SLIT2: variants seen among roughly 807,000 people sequenced by gnomAD.
SLIT2 encodes the protein slit guidance ligand 2.
Under a neutral mutation model 185.7 loss-of-function variants are expected in SLIT2, and 41 were observed. The ratio of observed to expected loss-of-function variants is 0.22; its 90% confidence interval spans 0.17 to 0.29. The LOEUF is 0.29. Ranked by LOEUF, SLIT2 falls within the 10% of genes least tolerant of loss-of-function variation. The probability of loss-of-function intolerance (pLI) is 1.00; values close to 1 mark genes in which losing one functional copy is unlikely to be tolerated. For synonymous variants in SLIT2, 693 were observed against 680.2 expected, an observed-to-expected ratio of 1.02 and a Z score of -0.29; for missense variants, 1,571 against 1,909.0, an observed-to-expected ratio of 0.82 and a Z score of 3.30.
At chr4:20,600,231 T>G (rs1312396506) in intron 33 of SLIT2, among the ~76,000 whole-genome samples, 2 of 152,096 alleles carry the variant, frequency 1.3e-5, no homozygotes, top group African/African-American at 4.8e-5. Context: ...GTTTGGCTTA[T>G]TAAAGCTAGC....
At chr4:20,489,906 G>A (rs1378809524) in intron 8 of SLIT2, 1 of 152,166 alleles carries the variant, frequency 6.6e-6, no homozygotes, top group African/African-American at 2.4e-5. Context: ...GGGTAACATG[G>A]TGAAACCCTG....
chr4:20,478,619 T>G (rs570348871), intron 5 of SLIT2, among the ~76,000 whole-genome samples: 1 of 152,208 alleles, frequency 6.6e-6, no homozygotes, highest in African/African-American at 2.4e-5. Flanking sequence ...TAATAAGATA[T>G]GGGCAAACAT....
intron 4 of SLIT2, among the ~76,000 whole-genome samples, chr4:20,342,123 G>A (rs1197980850): frequency 6.6e-6 from 1 of 152,088 alleles, no homozygotes; most frequent in African/African-American, 2.4e-5. Flanking sequence ...TTTAGAAAGT[G>A]TACCATTTAT....
intron 29 of SLIT2, among the ~76,000 whole-genome samples, chr4:20,580,620 A>G (rs894311105): frequency 2.6e-5 from 4 of 152,128 alleles, no homozygotes; most frequent in African/African-American, 9.7e-5. Context: ...TATTTGGTGG[A>G]TAGCCTGTCC....
intron 6 of SLIT2, among the ~76,000 whole-genome samples, chr4:20,481,126 T>C (rs1157427919): frequency 6.6e-6 from 1 of 152,058 alleles, no homozygotes; most frequent in Non-Finnish European, 1.5e-5. Context: ...GTAGCTGATA[T>C]CTTGGAATAA....
rs530115711 is a variant in SLIT2, at chr4:20,482,701, A to G, written c.539+1914A>G. Among the ~76,000 whole-genome samples, 127 of 152,154 alleles carry G rather than the reference A, an allele frequency of 8.3e-4. 1 individual carries two copies. Among genetic ancestry groups the G allele is most frequent in the Non-Finnish European group, 1.4e-3 (95 of 67,904 alleles). On this transcript the variant is annotated intron_variant, in intron 6 of 36. Transcript: ENST00000504154. Reference sequence around the variant, plus strand: ...ATATATACATCTTATAGAAGTATATATTGGTCAGAGTTTGTTTGTTGAAGA... The same window carrying G: ...ATATATACATCTTATAGAAGTATATGTTGGTCAGAGTTTGTTTGTTGAAGA...
Position 20,448,068 on chromosome 4 carries a change from C to G in SLIT2, c.396-19684C>G, listed in dbSNP as rs887710584. Among the ~76,000 whole-genome samples the G allele has an allele frequency of 3.9e-5, 6 of 152,124 alleles. 1 individual carries two copies. Among genetic ancestry groups the G allele is most frequent in the Admixed American group, 3.9e-4 (6 of 15,266 alleles). On this transcript the variant is annotated intron_variant, in intron 4 of 36. Coordinates refer to ENST00000504154, the MANE Select transcript of SLIT2 (RefSeq NM_004787.4). ...TATCTACATGGTAATACTTGGAGCT[C>G]AAAAAGTCCATGTGTCAGTCTATTT...
intron 26 of SLIT2, among the ~76,000 whole-genome samples, chr4:20,564,674 T>C (rs574820677): frequency 6.6e-6 from 1 of 151,882 alleles, no homozygotes; most frequent in African/African-American, 2.4e-5. Flanking sequence ...CCTGAAGAAG[T>C]TGGAACTCAG....
chr4:20,595,788 A>G lies in SLIT2; in HGVS notation c.3274A>G (p.Thr1092Ala). ...CAAGTGTAAAAACGGAGCCCACTGC[A>G]CAGATGCAGTGAACGGCTATACGTG... ...DNKCKNGAHC[T>A]DAVNGYTCIC... Residue 1092 changes from threonine to alanine, a missense_variant, in exon 31 of 37, where the codon ACA (threonine) becomes GCA (alanine). By Grantham distance (58) the Thr-to-Ala change is moderately conservative. Around this residue, in one of 3 missense-constraint regions of SLIT2, gnomAD observed 1,202 missense variants for 1,416.4 expected, o/e 0.85. Coordinates refer to ENST00000504154, the MANE Select transcript of SLIT2 (RefSeq NM_004787.4). 6.2e-7 allele frequency: 1 copy of G among 1,614,160 alleles called. No homozygotes were observed. Among genetic ancestry groups the G allele is most frequent in the African/African-American group, 1.3e-5 (1 of 75,048 alleles).
At chr4:20,331,686 G>A (rs1003153604) in intron 4 of SLIT2, among the ~76,000 whole-genome samples, 4 of 151,798 alleles carry the variant, frequency 2.6e-5, no homozygotes, top group Non-Finnish European at 4.4e-5. Flanking sequence ...GTAACTCGGT[G>A]GTTTTATTAT....
intron 4 of SLIT2, among the ~76,000 whole-genome samples, chr4:20,466,867 A>G (rs1714412902): frequency 1.3e-5 from 2 of 151,862 alleles, no homozygotes; most frequent in South Asian, 2.1e-4. Flanking sequence ...TGCTATTTCA[A>G]CTCTACTATG....
chr4:20,384,572 T>G (rs981476295), intron 4 of SLIT2, among the ~76,000 whole-genome samples: 1 of 152,140 alleles, frequency 6.6e-6, no homozygotes, highest in Admixed American at 6.6e-5. Flanking sequence ...ATACTGACAG[T>G]TGTGTCACTA....
chr4:20,279,503 G>A (rs1250786085), intron 4 of SLIT2, among the ~76,000 whole-genome samples: 1 of 152,100 alleles, frequency 6.6e-6, no homozygotes, highest in Admixed American at 6.6e-5. Flanking sequence ...TTATAATATG[G>A]TACAGACTAT....
chr4:20,344,527 A>G (rs1721225412), intron 4 of SLIT2, among the ~76,000 whole-genome samples: 1 of 152,234 alleles, frequency 6.6e-6, no homozygotes, highest in South Asian at 2.1e-4. Flanking sequence ...TTTAAATGAA[A>G]GGAATAGCCA....
At chr4:20,259,936 G>T (rs1358546575) in intron 3 of SLIT2, among the ~76,000 whole-genome samples, 1 of 151,778 alleles carries the variant, frequency 6.6e-6, no homozygotes, top group Non-Finnish European at 1.5e-5. Context: ...GAAGCACATT[G>T]TTATCTGACA....
chr4:20,483,194 G>T (rs1716884304), intron 6 of SLIT2, among the ~76,000 whole-genome samples: 1 of 151,982 alleles, frequency 6.6e-6, no homozygotes, highest in South Asian at 2.1e-4. Context: ...GTGAATGTAT[G>T]ACTATACTGA....
At chr4:20,497,888 C>A (rs1718371718) in intron 9 of SLIT2, among the ~76,000 whole-genome samples, 1 of 151,866 alleles carries the variant, frequency 6.6e-6, no homozygotes, top group South Asian at 2.1e-4. Context: ...CAAAACAAAA[C>A]AAAAAACGGG....
At chr4:20,516,158 A>G (rs1720195138) in intron 11 of SLIT2, among the ~76,000 whole-genome samples, 1 of 152,202 alleles carries the variant, frequency 6.6e-6, no homozygotes, top group African/African-American at 2.4e-5. Context: ...AACACTGGTC[A>G]CCAGCTATTG....
chr4:20,539,840 T>C (rs1054348956), intron 19 of SLIT2, among the ~76,000 whole-genome samples: 9 of 152,214 alleles, frequency 5.9e-5, no homozygotes, highest in African/African-American at 1.7e-4. Flanking sequence ...TAATGTAGCT[T>C]AATTCCAAAT....
Sources: allele counts gnomAD v4.1 joint callset (sites outside exome capture counted in the v4.1 genomes callset), GRCh38; gene constraint gnomAD v4.1.1; regional missense constraint gnomAD v4.1.1; transcripts MANE v1.5; gene names NCBI Gene and HGNC (gene_info 2026-07-23, HGNC 2026-07-21).